TASP1: variants seen among roughly 807,000 people sequenced by gnomAD.
TASP1 encodes the protein threonine aspartase 1.
TASP1 carries 16 observed loss-of-function variants against 56.6 expected under a neutral mutation model. The ratio of observed to expected loss-of-function variants is 0.28; its 90% CI spans 0.19 to 0.43. TASP1 has a LOEUF of 0.43. Among genes scored for constraint, TASP1 ranks in the 20% least tolerant of loss-of-function variants. TASP1 has a pLI of 1.00. For synonymous variants in TASP1, 179 were observed against 184.2 expected (o/e 0.97, Z 0.23); for missense variants, 393 against 511.6 (o/e 0.77, Z 2.24).
the TASP1 span, among the ~76,000 whole-genome samples, chr20:13,190,191 C>T: frequency 1.6e-4 from 24 of 152,024 alleles, no homozygotes; most frequent in African/African-American, 5.8e-4. Context: ...CTTATTGGGT[C>T]CTATGGTTAC....
intron 11 of TASP1, among the ~76,000 whole-genome samples, chr20:13,445,940 A>C (rs536870511): frequency 3.5e-4 from 53 of 152,280 alleles, no homozygotes; most frequent in African/African-American, 1.3e-3. Context: ...TATTTTATAA[A>C]AGTTCACTTC....
chr20:13,247,863 T>C, the TASP1 span, among the ~76,000 whole-genome samples: 1 of 152,152 alleles, frequency 6.6e-6, no homozygotes, highest in Non-Finnish European at 1.5e-5. Context: ...TATCCCAGTG[T>C]GATGTGTGTG....
chr20:13,227,280 T>C, the TASP1 span, among the ~76,000 whole-genome samples: 1 of 152,090 alleles, frequency 6.6e-6, no homozygotes, highest in East Asian at 1.9e-4. Flanking sequence ...CTTGGCTCAC[T>C]GCAAGCTCCA....
At chr20:13,270,687 C>T in the TASP1 span, 3 of 1,613,776 alleles carry the variant, frequency 1.9e-6, no homozygotes, top group African/African-American at 4.0e-5. Flanking sequence ...CCTTGATCTA[C>T]CAAACTTTCC....
chr20:13,193,780 C>T, the TASP1 span, among the ~76,000 whole-genome samples: 2 of 152,122 alleles, frequency 1.3e-5, no homozygotes, highest in South Asian at 4.1e-4. Flanking sequence ...CCCAAAGTGG[C>T]CACCATCGTT....
At chr20:13,149,314 T>A in the TASP1 span, among the ~76,000 whole-genome samples, 11 of 152,212 alleles carry the variant, frequency 7.2e-5, no homozygotes, top group Non-Finnish European at 1.3e-4. Flanking sequence ...CATCCTAGCA[T>A]GGCTGTCCCT....
At chr20:13,162,120 G>A in the TASP1 span, among the ~76,000 whole-genome samples, 2 of 152,176 alleles carry the variant, frequency 1.3e-5, no homozygotes, top group African/African-American at 2.4e-5. Context: ...CTTTCAAGAA[G>A]TCTGACTGTA....
chr20:13,327,191 T>G, the TASP1 span, among the ~76,000 whole-genome samples: 1 of 152,118 alleles, frequency 6.6e-6, no homozygotes, highest in Non-Finnish European at 1.5e-5. Context: ...AGCCAAATCA[T>G]GAATGAACTC....
intron 10 of TASP1, among the ~76,000 whole-genome samples, chr20:13,494,134 T>C (rs17226670): frequency 2.6e-5 from 4 of 152,150 alleles, no homozygotes; most frequent in Non-Finnish European, 5.9e-5. Flanking sequence ...TAATGTTCAG[T>C]TGATGCTCTT....
intron 4 of TASP1, among the ~76,000 whole-genome samples, chr20:13,588,310 A>AAGGAAGGAAGG (rs1568618336): frequency 1.1e-3 from 109 of 101,708 alleles, no homozygotes; most frequent in Non-Finnish European, 1.8e-3. Context: ...AGGAAGGAAG[A>AAGGAAGGAAGG]GAAAGAAAAG....
chr20:13,350,966 G>GAA, the TASP1 span, among the ~76,000 whole-genome samples: 3 of 122,862 alleles, frequency 2.4e-5, no homozygotes, highest in East Asian at 2.5e-4. Flanking sequence ...TTCCAAAAGT[G>GAA]AAAAAAAAAA....
chr20:13,154,431 G>A, the TASP1 span, among the ~76,000 whole-genome samples: 2 of 152,100 alleles, frequency 1.3e-5, no homozygotes, highest in African/African-American at 4.8e-5. Flanking sequence ...ACAATCCTGA[G>A]CCTCCTTCTG....
intron 8 of TASP1, among the ~76,000 whole-genome samples, chr20:13,545,208 T>G (rs1474502971): frequency 6.6e-6 from 1 of 152,176 alleles, no homozygotes; most frequent in African/African-American, 2.4e-5. Context: ...CTTTCGTTCC[T>G]CAATAGATCT....
chr20:13,514,782 T>C (rs913840048), intron 10 of TASP1, among the ~76,000 whole-genome samples: 3 of 152,200 alleles, frequency 2.0e-5, no homozygotes, highest in African/African-American at 4.8e-5. Flanking sequence ...AGTGTACTTT[T>C]CATGATATGA....
Position 13,526,088 on chromosome 20 carries a change from T to C in TASP1, c.874+2345A>G, listed in dbSNP as rs553716590. Among the ~76,000 whole-genome samples, 5 of 152,304 alleles carry C rather than the reference T, an allele frequency of 3.3e-5. No homozygotes were observed. The South Asian group carries it at 8.3e-4, about 25-fold the overall frequency. On this transcript the variant is annotated intron_variant, in intron 10 of 13. Coordinates refer to ENST00000337743, the MANE Select transcript of TASP1 (RefSeq NM_017714.3). The stretch of plus-strand genomic sequence containing the variant: ...TACCCATTCCTTGCATTCTACTTAA[T>C]AGAATCAAATCCATGGAGTATGTTC...
the TASP1 span, among the ~76,000 whole-genome samples, chr20:13,108,620 G>A: frequency 6.6e-6 from 1 of 152,118 alleles, no homozygotes; most frequent in African/African-American, 2.4e-5. Context: ...TGTCACCCAG[G>A]CTGAAGTGCA....
intron 10 of TASP1, among the ~76,000 whole-genome samples, chr20:13,491,447 C>T (rs149759346): frequency 1.8e-3 from 269 of 152,316 alleles, no homozygotes; most frequent in African/African-American, 6.2e-3. Context: ...GCCCCATTCA[C>T]TTCACTTCCC....
the TASP1 span, among the ~76,000 whole-genome samples, chr20:13,361,066 C>T: frequency 6.6e-6 from 1 of 152,094 alleles, no homozygotes; most frequent in Non-Finnish European, 1.5e-5. Context: ...GAAATAACTT[C>T]TCAGTGTTCC....
At chr20:13,295,628 A>C in the TASP1 span, among the ~76,000 whole-genome samples, 1 of 152,190 alleles carries the variant, frequency 6.6e-6, no homozygotes, top group Non-Finnish European at 1.5e-5. Context: ...TTGAGGAAAC[A>C]CCCAGGAAAG....
Sources: allele counts gnomAD v4.1 joint callset (sites outside exome capture counted in the v4.1 genomes callset), GRCh38; gene constraint gnomAD v4.1.1; transcripts MANE v1.5; gene names NCBI Gene and HGNC (gene_info 2026-07-23, HGNC 2026-07-21).